Variants in NEDD4L observed in about 807,000 individuals in gnomAD.
The protein encoded by NEDD4L is E3 ubiquitin-protein ligase NEDD4-like.
In NEDD4L, 54 loss-of-function variants were observed where a neutral mutation model predicts 148.9. The observed-to-expected ratio is 0.36, with a 90% CI of 0.29 to 0.45. The LOEUF is 0.45. Among genes scored for constraint, NEDD4L ranks in the 20% least tolerant of loss-of-function variants. The pLI, the probability that NEDD4L is intolerant of heterozygous loss-of-function variation, is 1.00. For synonymous variants in NEDD4L, 433 were observed against 440.7 expected (o/e 0.98, Z 0.22); for missense variants, 856 against 1,233.8 (o/e 0.69, Z 4.59).
At chr18:58,217,564 C>T (rs2043281764) in intron 2 of NEDD4L, among the ~76,000 whole-genome samples, 1 of 152,204 alleles carries the variant, frequency 6.6e-6, no homozygotes, top group Non-Finnish European at 1.5e-5. Context: ...AGCATTATAA[C>T]TCTTGGGCTC....
chr18:58,331,381 T>G lies in NEDD4L; in HGVS notation c.990+467T>G, dbSNP rs537997593. Among the ~76,000 whole-genome samples the G allele has an allele frequency of 3.3e-5, 5 of 152,348 alleles. 1 individual carries two copies. In the East Asian group the frequency reaches 9.6e-4, roughly 29 times the overall value. On this transcript the variant is annotated intron_variant, in intron 11 of 30. Transcript: ENST00000400345. ...ATTTCGCTGATAAGGGCACAATGCT[T>G]AAGTGGCTCATCCAAGACAAGGTTT...
At chr18:58,142,672 A>G (rs1438612891) in intron 1 of NEDD4L, among the ~76,000 whole-genome samples, 1 of 152,184 alleles carries the variant, frequency 6.6e-6, no homozygotes, top group Non-Finnish European at 1.5e-5. Flanking sequence ...AATGACCTGT[A>G]TGTGTTCAGG....
chr18:58,145,597 T>G (rs2034015419), intron 1 of NEDD4L, among the ~76,000 whole-genome samples: 1 of 151,954 alleles, frequency 6.6e-6, no homozygotes, highest in African/African-American at 2.4e-5. Flanking sequence ...CTCTAGCCAA[T>G]TTTATCAAAC....
chr18:58,253,995 T>TTG (rs2048213782), intron 5 of NEDD4L, among the ~76,000 whole-genome samples: 1 of 151,920 alleles, frequency 6.6e-6, no homozygotes, highest in Non-Finnish European at 1.5e-5. Context: ...GTTGCTGTTT[T>TTG]TTTTTTTTTC....
At position 58,256,158 on chromosome 18, in the gene NEDD4L, G is replaced by T; in HGVS notation, c.297+4104G>T. On this transcript the variant is annotated intron_variant, in intron 5 of 30. Coordinates refer to ENST00000400345, the MANE Select transcript of NEDD4L (RefSeq NM_001144967.3). The surrounding 1 kb of genome is among the most constrained non-coding windows in gnomAD (Gnocchi z 5.2). ...CAGGTCAACGGCACGTGCGGCCGCC[G>T]CGTGCGGTGCTCCGGCCCCGTGGAC... 1.6e-6 allele frequency: 2 copies of T among 1,219,556 alleles called. No homozygotes were observed. The highest frequency in any genetic ancestry group is 1.6e-5 in the African/African-American group (1 of 63,916). The allele number at this position is 1,219,556 out of a possible 1,614,324, so 75.5% of individuals were successfully genotyped here.
chr18:58,107,505 G>A (rs1422537376), intron 1 of NEDD4L, among the ~76,000 whole-genome samples: 4 of 152,124 alleles, frequency 2.6e-5, no homozygotes, highest in Admixed American at 2.0e-4. Flanking sequence ...ATCACTTGAG[G>A]CCAGGAGTTT....
At chr18:58,284,025 C>T (rs541572373) in intron 5 of NEDD4L, among the ~76,000 whole-genome samples, 1 of 152,278 alleles carries the variant, frequency 6.6e-6, no homozygotes, top group South Asian at 2.1e-4. Flanking sequence ...AGCAAGCCTC[C>T]AGAAAGCAGG....
chr18:58,321,956 A>C (rs2149476384), intron 6 of NEDD4L, among the ~76,000 whole-genome samples: 1 of 152,324 alleles, frequency 6.6e-6, no homozygotes, highest in African/African-American at 2.4e-5. Context: ...ATCTCTGTGC[A>C]GGAGATAGTC....
At chr18:58,151,623 A>ATGTGTGTGTGTGTGTG (rs1491376739) in intron 1 of NEDD4L, among the ~76,000 whole-genome samples, 37 of 56,658 alleles carry the variant, frequency 6.5e-4, no homozygotes, top group Admixed American at 1.4e-3. Context: ...CTGTGCCTGG[A>ATGTGTGTGTGTGTGTG]TATGTGTGTG....
intron 26 of NEDD4L, 34 bp from the exon 27 acceptor site, chr18:58,387,405 T>C (rs1451730492): frequency 5.3e-6 from 8 of 1,499,144 alleles, no homozygotes; most frequent in Non-Finnish European, 6.2e-6. Context: ...TTGAAGGCAA[T>C]AGGTGTTTAA....
chr18:58,100,878 C>G (rs1253407327), intron 1 of NEDD4L, among the ~76,000 whole-genome samples: 1 of 152,180 alleles, frequency 6.6e-6, no homozygotes, highest in Non-Finnish European at 1.5e-5. Context: ...GCGAATATGG[C>G]TCACTGCAGC....
intron 2 of NEDD4L, among the ~76,000 whole-genome samples, chr18:58,220,858 G>A (rs576346013): frequency 6.6e-6 from 1 of 152,250 alleles, no homozygotes; most frequent in East Asian, 1.9e-4. Flanking sequence ...GAGTAAGGGT[G>A]GTCAGGTTGC....
intron 27 of NEDD4L, 58 bp downstream of exon 27, chr18:58,387,556 C>A: frequency 7.1e-7 from 1 of 1,407,382 alleles, no homozygotes. Flanking sequence ...TCTCTCATTA[C>A]TTTACAAGTA....
At chr18:58,238,527 C>T (rs1354614604) in intron 2 of NEDD4L, among the ~76,000 whole-genome samples, 1 of 152,056 alleles carries the variant, frequency 6.6e-6, no homozygotes, top group African/African-American at 2.4e-5. Flanking sequence ...ACATTTTAGC[C>T]TAACATGATT....
At chr18:58,390,617 G>C (rs371383849) in intron 28 of NEDD4L, 29 bp from the exon 29 acceptor site, 1 of 1,440,048 alleles carries the variant, frequency 6.9e-7, no homozygotes, top group Non-Finnish European at 9.6e-7. Context: ...CACGTGGGGG[G>C]TATAATGACC....
chr18:58,139,314 A>G (rs187072150), intron 1 of NEDD4L, among the ~76,000 whole-genome samples: 2,090 of 134,154 alleles, frequency 0.016, 57 homozygotes, highest in African/African-American at 0.056. Flanking sequence ...CGCCCCATAC[A>G]GGAGACCCTC....
intron 2 of NEDD4L, among the ~76,000 whole-genome samples, chr18:58,188,758 C>T (rs1258251519): frequency 6.6e-6 from 1 of 152,226 alleles, no homozygotes; most frequent in Non-Finnish European, 1.5e-5. Flanking sequence ...TTAATGCCTG[C>T]ATTATGGAGA....
At chr18:58,075,480 C>T (rs1044484368) in intron 1 of NEDD4L, among the ~76,000 whole-genome samples, 2 of 152,078 alleles carry the variant, frequency 1.3e-5, no homozygotes, top group Non-Finnish European at 2.9e-5. Flanking sequence ...GAGTTTTGCT[C>T]GTTTCATCAC....
intron 1 of NEDD4L, among the ~76,000 whole-genome samples, chr18:58,153,487 G>T (rs1465185145): frequency 1.3e-5 from 2 of 151,444 alleles, no homozygotes; most frequent in Non-Finnish European, 2.9e-5. Context: ...TTACATGCAT[G>T]AGCCACCAGG....
Sources: allele counts gnomAD v4.1 joint callset (sites outside exome capture counted in the v4.1 genomes callset), GRCh38; gene constraint gnomAD v4.1.1; non-coding constraint Gnocchi (gnomAD v3.1); transcripts MANE v1.5; gene names NCBI Gene and HGNC (gene_info 2026-07-23, HGNC 2026-07-21).